LRP1B: variants seen among roughly 807,000 people sequenced by gnomAD.
The protein encoded by LRP1B is low-density lipoprotein receptor-related protein 1B.
A neutral mutation model predicts 556.6 loss-of-function variants in LRP1B; 217 were observed. That is an observed-to-expected ratio of 0.39 (90% CI 0.35 to 0.44). The LOEUF is 0.44. LRP1B is among the 20% of genes least tolerant of loss of function. The pLI, the probability that LRP1B is intolerant of heterozygous loss-of-function variation, is 1.00. For synonymous variants in LRP1B, 2,047 were observed against 1,865.8 expected, an observed-to-expected ratio of 1.10 and a Z score of -2.50; for missense variants, 5,053 against 5,620.8, an observed-to-expected ratio of 0.90 and a Z score of 3.23.
intron 43 of LRP1B, among the ~76,000 whole-genome samples, chr2:140,585,982 T>C (rs180792785): frequency 1.5e-4 from 23 of 152,324 alleles, no homozygotes; most frequent in Admixed American, 1.2e-3. Context: ...TACAGACTTA[T>C]AGAACATAAA....
intron 1 of LRP1B, among the ~76,000 whole-genome samples, chr2:141,936,708 T>G (rs1280096650): frequency 6.6e-6 from 1 of 152,230 alleles, no homozygotes; most frequent in African/African-American, 2.4e-5. Context: ...TGTATTCCCA[T>G]TGACTGACTC....
chr2:140,476,464 G>T (rs1490934622), intron 59 of LRP1B, among the ~76,000 whole-genome samples: 1 of 151,878 alleles, frequency 6.6e-6, no homozygotes, highest in East Asian at 1.9e-4. Context: ...ATTCTTTAAA[G>T]AAATTTTTTC....
rs570806830 is a variant in LRP1B at position 141,585,397 on chromosome 2, G to C, written c.206-104864C>G. On this transcript the variant is annotated intron_variant, in intron 2 of 90. Coordinates refer to ENST00000389484, the MANE Select transcript of LRP1B (RefSeq NM_018557.3). Reference sequence around the variant, plus strand: ...GTTAGTAGGCAACAAATGTAAAGAAGTGCTTGTGAGTGTCCTGAAATAATC... The same window carrying C: ...GTTAGTAGGCAACAAATGTAAAGAACTGCTTGTGAGTGTCCTGAAATAATC... 9.1e-4 allele frequency among the ~76,000 whole-genome samples: 137 copies of C among 151,076 alleles called. 2 individuals carry two copies. The highest frequency in any genetic ancestry group is 3.2e-3 in the African/African-American group (131 of 41,084).
chr2:141,435,718 T>C (rs964992435), intron 3 of LRP1B, among the ~76,000 whole-genome samples: 5 of 152,178 alleles, frequency 3.3e-5, no homozygotes, highest in African/African-American at 1.2e-4. Flanking sequence ...GGCACTTCTA[T>C]CCTATGAACA....
intron 1 of LRP1B, among the ~76,000 whole-genome samples, chr2:142,055,715 T>C (rs1704643623): frequency 6.6e-6 from 1 of 152,178 alleles, no homozygotes; most frequent in South Asian, 2.1e-4. Flanking sequence ...CCACATGTCC[T>C]TGAAGCACTG....
At chr2:140,795,131 T>G (rs780807488) in intron 32 of LRP1B, among the ~76,000 whole-genome samples, 6 of 152,218 alleles carry the variant, frequency 3.9e-5, no homozygotes, top group Non-Finnish European at 8.8e-5. Flanking sequence ...TGTCTTACTA[T>G]TATACTAACT....
intron 1 of LRP1B, among the ~76,000 whole-genome samples, chr2:141,987,085 A>T (rs1410800159): frequency 2.0e-5 from 3 of 151,978 alleles, no homozygotes; most frequent in African/African-American, 7.2e-5. Context: ...CACTTTTATC[A>T]ATGTTATTTT....
chr2:141,151,471 C>T (rs1307254041), intron 7 of LRP1B, among the ~76,000 whole-genome samples: 1 of 152,132 alleles, frequency 6.6e-6, no homozygotes, highest in Non-Finnish European at 1.5e-5. Flanking sequence ...ATCAAAACAT[C>T]AGCTGATACT....
At chr2:141,956,610 T>C (rs1701261517) in intron 1 of LRP1B, among the ~76,000 whole-genome samples, 2 of 151,946 alleles carry the variant, frequency 1.3e-5, no homozygotes, top group African/African-American at 4.8e-5. Context: ...TATCAGTCTT[T>C]TATGTTTTAT....
chr2:141,622,032 C>G (rs1688522595), intron 2 of LRP1B, among the ~76,000 whole-genome samples: 1 of 152,044 alleles, frequency 6.6e-6, no homozygotes, highest in Non-Finnish European at 1.5e-5. Context: ...GCTGGGGTTA[C>G]AGGCATGCAT....
chr2:141,360,551 C>A (rs1688785330), intron 3 of LRP1B, among the ~76,000 whole-genome samples: 1 of 151,980 alleles, frequency 6.6e-6, no homozygotes, highest in Non-Finnish European at 1.5e-5. Flanking sequence ...TAAAGAAACC[C>A]CAAGTCAAAA....
chr2:142,077,213 T>C (rs1209525059), intron 1 of LRP1B, among the ~76,000 whole-genome samples: 1 of 152,080 alleles, frequency 6.6e-6, no homozygotes. Context: ...GGAGGGATTA[T>C]TTGAAATTAA....
At position 141,062,140 on chromosome 2, in the gene LRP1B, A is replaced by G. The variant is rs141167572; in HGVS notation, c.1147T>C (p.Leu383=). Residue 383 remains leucine (L), a synonymous_variant, in exon 8 of 91, where the codon TTG becomes CTG. Transcript: ENST00000389484. Reference sequence around the variant, plus strand: ...AAGTAAAGATCTACCCAGTAAACCAATTTGTTGACTAGGTCTAGTGCCAGT... The same window carrying G: ...AAGTAAAGATCTACCCAGTAAACCAGTTTGTTGACTAGGTCTAGTGCCAGT... ...AALALDLVNK[L]VYWVDLYLDY... 3.7e-5 allele frequency: 59 copies of G among 1,612,070 alleles called. 1 individual carries two copies. In the African/African-American group the frequency reaches 3.9e-4, roughly 11 times the overall value.
chr2:140,759,557 T>C (rs1573677692), intron 35 of LRP1B, among the ~76,000 whole-genome samples: 2 of 152,216 alleles, frequency 1.3e-5, no homozygotes, highest in Admixed American at 1.3e-4. Flanking sequence ...TTAGCCATAG[T>C]GTGTAATGGG....
chr2:141,354,816 C>T (rs1008422747), intron 3 of LRP1B, among the ~76,000 whole-genome samples: 1 of 151,876 alleles, frequency 6.6e-6, no homozygotes, highest in Non-Finnish European at 1.5e-5. Flanking sequence ...GAGAGGGAAT[C>T]TATAACTATA....
At chr2:140,493,168 G>A (rs1483388129) in intron 56 of LRP1B, among the ~76,000 whole-genome samples, 1 of 152,144 alleles carries the variant, frequency 6.6e-6, no homozygotes. Context: ...CCTTTTACCT[G>A]CCTGAGGACT....
rs551979362 is a variant in LRP1B at position 141,393,224 on chromosome 2, T to TAC, written c.343+87170_343+87171dup. ...ACCATTCTATCAAAACACATAAACA[T>TAC]ACACACACACACACACAAACACACA... On this transcript the variant is annotated intron_variant, in intron 3 of 90. Coordinates refer to ENST00000389484, the MANE Select transcript of LRP1B (RefSeq NM_018557.3). Among the ~76,000 whole-genome samples, 1,278 of 150,412 alleles carry TAC rather than the reference T, an allele frequency of 8.5e-3. 9 individuals carry two copies. Among genetic ancestry groups the TAC allele is most frequent in the Non-Finnish European group, 0.014 (913 of 67,350 alleles).
intron 1 of LRP1B, among the ~76,000 whole-genome samples, chr2:141,910,979 A>G (rs1403256326): frequency 6.6e-6 from 1 of 152,122 alleles, no homozygotes; most frequent in East Asian, 1.9e-4. Flanking sequence ...AATTTGGTCA[A>G]CTTTTATAAA....
intron 2 of LRP1B, among the ~76,000 whole-genome samples, chr2:141,614,080 CAAAAA>C (rs550183140): frequency 8.4e-5 from 4 of 47,346 alleles, no homozygotes; most frequent in African/African-American, 1.8e-4. Flanking sequence ...AACTCAGCCT[CAAAAA>C]AAAAAAAAAA....
Sources: gnomAD v4.1 joint callset for allele counts (sites outside exome capture counted in the v4.1 genomes callset) on GRCh38, gnomAD v4.1.1 for gene constraint, MANE v1.5 for transcripts, NCBI Gene and HGNC (gene_info 2026-07-23, HGNC 2026-07-21) for gene names.